KLF6: variants seen among roughly 807,000 people sequenced by gnomAD.
The protein encoded by KLF6 is Krueppel-like factor 6.
For missense variants in KLF6, 233 were observed against 359.8 expected (o/e 0.65, Z 2.85); for synonymous variants, 152 against 147.9 (o/e 1.03, Z -0.20).
At position 3,779,492 on chromosome 10, in the gene KLF6, C is replaced by T. The variant is rs76765158; in HGVS notation, c.*47G>A. 1 of 1,534,100 alleles carries T rather than the reference C, an allele frequency of 6.5e-7. No individual in the cohort carries two copies. Among genetic ancestry groups the T allele is most frequent in the Non-Finnish European group, 9.0e-7 (1 of 1,106,866 alleles). ...CGCATCCCTCCTTCCACGGCCGGCT[C>T]TCAGCCTGGAAGCCTTTTAGCCTAC... On this transcript the variant is annotated 3_prime_UTR_variant, in exon 4 of 4. Transcript: ENST00000497571.
In KLF6 at chr10:3,781,210, C is replaced by A; in HGVS notation, c.676+431G>T. ...CGGTCCCACTCGGGCCTCGGGCCGT[C>A]AGCATCAAACCCACACACTCCACGC... On this transcript the variant is annotated intron_variant, in intron 2 of 3. Coordinates refer to ENST00000497571, the MANE Select transcript of KLF6 (RefSeq NM_001300.6). This position sits in a 1 kb window ranked among gnomAD's most constrained non-coding sequence, Gnocchi z 5.8. 2.4e-6 allele frequency: 1 copy of A among 419,738 alleles called. No individual in the cohort carries two copies. The highest frequency in any genetic ancestry group is 4.2e-6 in the Non-Finnish European group (1 of 236,818). The allele number at this position is 419,738 out of a possible 1,614,324, so 26.0% of individuals were successfully genotyped here.
chr10:3,781,743 A>G lies in KLF6; in HGVS notation c.574T>C (p.Ser192Pro). The stretch of plus-strand genomic sequence containing the variant: ...TGCACCCTCCTCCTGCCGTCGGGGG[A>G]GGCATCGCCATTTCCCTTGTCACCT... ...KPGDKGNGDA[S>P]PDGRRRVHRC... The change falls in exon 2 of 4, where the codon TCC becomes CCC. Residue 192 changes from serine (S) to proline (P), a missense_variant. Coordinates refer to ENST00000497571, the MANE Select transcript of KLF6 (RefSeq NM_001300.6). This position sits in a 1 kb window ranked among gnomAD's most constrained non-coding sequence, Gnocchi z 5.8. 1 of 1,614,128 alleles carries G rather than the reference A, an allele frequency of 6.2e-7. No homozygotes were observed. The highest frequency in any genetic ancestry group is 1.1e-5 in the South Asian group (1 of 91,088).
Position 3,781,358 on chromosome 10 carries a change from G to A in KLF6, c.676+283C>T. ...GGCCTCGGATCCCCAGCACTACTAAGGGGTGGGGGGTGGAGGTTTGGGTGT... is the reference window on the plus strand; with the variant it reads ...GGCCTCGGATCCCCAGCACTACTAAAGGGTGGGGGGTGGAGGTTTGGGTGT... On this transcript the variant is annotated intron_variant, in intron 2 of 3. Coordinates refer to ENST00000497571, the MANE Select transcript of KLF6 (RefSeq NM_001300.6). The surrounding 1 kb of genome is among the most constrained non-coding windows in gnomAD (Gnocchi z 5.8). 1 of 1,400,152 alleles carries A rather than the reference G, an allele frequency of 7.1e-7. No homozygotes were observed. 86.7% of individuals were successfully genotyped at this position (1,400,152 alleles called of 1,614,324 possible). A position where few individuals can be genotyped will look rare whatever the true frequency, so the allele number is the denominator to read the frequency against.
In KLF6 at chr10:3,777,147, T is replaced by C. The variant is rs575996183; in HGVS notation, c.*2392A>G. On this transcript the variant is annotated 3_prime_UTR_variant, in exon 4 of 4. Coordinates refer to ENST00000497571, the MANE Select transcript of KLF6 (RefSeq NM_001300.6). ...GCCCAGATAAAAAAAAAACCAGTTA[T>C]GTGAGCGTTAGTCACTGCTCATTTC... is the stretch of plus-strand genomic sequence containing the variant. The C allele has an allele frequency of 1.4e-5, 7 of 511,388 alleles. No individual in the cohort carries two copies. Among genetic ancestry groups the C allele is most frequent in the East Asian group, 4.3e-5 (1 of 23,326 alleles). 31.7% of individuals were successfully genotyped at this position (511,388 alleles called of 1,614,324 possible). A position where few individuals can be genotyped will look rare whatever the true frequency, so the allele number is the denominator to read the frequency against.
At chr10:3,784,882 C>A in intron 1 of KLF6, 31 bp downstream of exon 1, 1 of 1,583,694 alleles carries the variant, frequency 6.3e-7, no homozygotes, top group Non-Finnish European at 8.6e-7. Context: ...CGCCCCGGCG[C>A]CCGCAGGGAA....
chr10:3,784,200 G>C (rs1832595996), intron 1 of KLF6, among the ~76,000 whole-genome samples: 1 of 152,140 alleles, frequency 6.6e-6, no homozygotes, highest in African/African-American at 2.4e-5. Flanking sequence ...ACGGGGACCT[G>C]GTAAGTTTCT....
rs959766792 is a variant in KLF6, at chr10:3,780,679, A to C, written c.677-450T>G. The C allele has an allele frequency of 4.5e-5, 12 of 266,038 alleles. No individual in the cohort carries two copies. In the South Asian group the frequency reaches 4.6e-4, roughly 10 times the overall value. 16.5% of individuals were successfully genotyped at this position (266,038 alleles called of 1,614,324 possible). ...CTCAGGGACGTTCTACCTTTCTACA[A>C]AGCTGAAGTTACGAGCTTCTGGAAA... On this transcript the variant is annotated intron_variant, in intron 2 of 3. Transcript: ENST00000497571. This position sits in a 1 kb window ranked among gnomAD's most constrained non-coding sequence, Gnocchi z 4.6.
At position 3,776,531 on chromosome 10, in the gene KLF6, A is replaced by G; in HGVS notation, c.*3008T>C. 1.9e-6 allele frequency: 1 copy of G among 528,514 alleles called. No homozygotes were observed. The highest frequency in any genetic ancestry group is 3.7e-6 in the Non-Finnish European group (1 of 272,744). 32.7% of individuals were successfully genotyped at this position (528,514 alleles called of 1,614,324 possible). ...CTGTTCCAACAACCCCCTTCCCCCA[A>G]AAAAAACAACCAGACTCAAGATGCT... On this transcript the variant is annotated 3_prime_UTR_variant, in exon 4 of 4. Coordinates refer to ENST00000497571, the MANE Select transcript of KLF6 (RefSeq NM_001300.6).
In KLF6 at chr10:3,776,197, T is replaced by G; in HGVS notation, c.*3342A>C. ...GGAGCAGGCTGTGGAGGCACAGAAG[T>G]GGCAGGGAAACACTCAAGTTTGTCG... On this transcript the variant is annotated 3_prime_UTR_variant, in exon 4 of 4. Transcript: ENST00000497571. 1 of 532,080 alleles carries G rather than the reference T, an allele frequency of 1.9e-6. No individual in the cohort carries two copies. The highest frequency in any genetic ancestry group is 1.5e-5 in the South Asian group (1 of 65,162). 33.0% of individuals were successfully genotyped at this position (532,080 alleles called of 1,614,324 possible). A position where few individuals can be genotyped will look rare whatever the true frequency, so the allele number is the denominator to read the frequency against.
chr10:3,776,145 G>A lies in KLF6; in HGVS notation c.*3394C>T. The stretch of plus-strand genomic sequence containing the variant: ...GTGTGTGGCAGGGCTGGCTGGGGAA[G>A]GTAGGCCCAGCTCTAGCTGCGGAAC... On this transcript the variant is annotated 3_prime_UTR_variant, in exon 4 of 4. Coordinates refer to ENST00000497571, the MANE Select transcript of KLF6 (RefSeq NM_001300.6). The A allele has an allele frequency of 1.9e-6, 1 of 530,304 alleles. No individual in the cohort carries two copies. Among genetic ancestry groups the A allele is most frequent in the South Asian group, 1.5e-5 (1 of 65,130 alleles). 32.8% of individuals were successfully genotyped at this position (530,304 alleles called of 1,614,324 possible).
At position 3,777,198 on chromosome 10, in the gene KLF6, C is replaced by T. The variant is rs1832406923; in HGVS notation, c.*2341G>A. On this transcript the variant is annotated 3_prime_UTR_variant, in exon 4 of 4. Coordinates refer to ENST00000497571, the MANE Select transcript of KLF6 (RefSeq NM_001300.6). Reference sequence around the variant, plus strand: ...CAGGAAGATCAAACAAAATACCAGCCCAGCCAGACTCACATGTGTGTATAT... The same window carrying T: ...CAGGAAGATCAAACAAAATACCAGCTCAGCCAGACTCACATGTGTGTATAT... 3.9e-6 allele frequency: 2 copies of T among 516,594 alleles called. No individual in the cohort carries two copies. The highest frequency in any genetic ancestry group is 3.8e-5 in the African/African-American group (2 of 52,760). 32.0% of individuals were successfully genotyped at this position (516,594 alleles called of 1,614,324 possible). A position where few individuals can be genotyped will look rare whatever the true frequency, so the allele number is the denominator to read the frequency against.
In KLF6 at chr10:3,776,737, A is replaced by T. The variant is rs1564292068; in HGVS notation, c.*2802T>A. The T allele has an allele frequency of 6.3e-6, 3 of 477,696 alleles. No individual in the cohort carries two copies. Among genetic ancestry groups the T allele is most frequent in the East Asian group, 8.9e-5 (2 of 22,440 alleles). 29.6% of individuals were successfully genotyped at this position (477,696 alleles called of 1,614,324 possible). ...AAAAAAAGAAATTTCACTAATAGAA[A>T]TTTTTTTTTAATTTCAAGCAAAAAG... On this transcript the variant is annotated 3_prime_UTR_variant, in exon 4 of 4. Coordinates refer to ENST00000497571, the MANE Select transcript of KLF6 (RefSeq NM_001300.6).
chr10:3,777,604 A>G lies in KLF6; in HGVS notation c.*1935T>C, dbSNP rs1832420371. 2.0e-6 allele frequency: 1 copy of G among 508,194 alleles called. No homozygotes were observed. Among genetic ancestry groups the G allele is most frequent in the South Asian group, 1.5e-5 (1 of 64,940 alleles). The allele number at this position is 508,194 out of a possible 1,614,324, so 31.5% of individuals were successfully genotyped here. On this transcript the variant is annotated 3_prime_UTR_variant, in exon 4 of 4. Coordinates refer to ENST00000497571, the MANE Select transcript of KLF6 (RefSeq NM_001300.6). ...AAGAAAGTCCTCCGCACATCGTTAA[A>G]TTAAAGATAAAGCCTCTATAAAAGT...
At chr10:3,784,790 TCCCCCGGTGA>T in intron 1 of KLF6, 113 bp downstream of exon 1, 2 of 883,688 alleles carry the variant, frequency 2.3e-6, no homozygotes, top group Non-Finnish European at 3.2e-6. Context: ...CTGCGCCCGC[TCCCCCGGTGA>T]CAGCGCGGGG....
rs1832505766 is a variant in KLF6, at chr10:3,781,026, C to G, written c.676+615G>C. 6.1e-6 allele frequency: 1 copy of G among 163,818 alleles called. No homozygotes were observed. Among genetic ancestry groups the G allele is most frequent in the Non-Finnish European group, 1.3e-5 (1 of 74,596 alleles). 10.1% of individuals were successfully genotyped at this position (163,818 alleles called of 1,614,324 possible). ...TGTTCTGTGATTCCTCACCAATTAT[C>G]CTAGAACATGTCAAGGTATTTTTAA... On this transcript the variant is annotated intron_variant, in intron 2 of 3. Coordinates refer to ENST00000497571, the MANE Select transcript of KLF6 (RefSeq NM_001300.6). The surrounding 1 kb of genome is among the most constrained non-coding windows in gnomAD (Gnocchi z 5.8).
In KLF6 at chr10:3,784,514, A is replaced by AT. The variant is rs770964568; in HGVS notation, c.102+398dup. Among the ~76,000 whole-genome samples the AT allele has an allele frequency of 1.3e-3, 195 of 152,204 alleles. 1 individual carries two copies. Among genetic ancestry groups the AT allele is most frequent in the Non-Finnish European group, 2.5e-3 (167 of 67,992 alleles). On this transcript the variant is annotated intron_variant, in intron 1 of 3. Coordinates refer to ENST00000497571, the MANE Select transcript of KLF6 (RefSeq NM_001300.6). ...GTCTACGTTCTGGGGGCAAAATGTG[A>AT]TTTTTTTAAAAAACTGTTAAGTACA...
In KLF6 at chr10:3,777,212, A is replaced by ATG. The variant is rs1564292616; in HGVS notation, c.*2325_*2326dup. The stretch of plus-strand genomic sequence containing the variant: ...AAAATACCAGCCCAGCCAGACTCAC[A>ATG]TGTGTGTATATATATATAAAGCAAA... On this transcript the variant is annotated 3_prime_UTR_variant, in exon 4 of 4. Coordinates refer to ENST00000497571, the MANE Select transcript of KLF6 (RefSeq NM_001300.6). The ATG allele has an allele frequency of 1.9e-5, 10 of 517,152 alleles. No individual in the cohort carries two copies. Among genetic ancestry groups the ATG allele is most frequent in the Middle Eastern group, 5.4e-4 (1 of 1,852 alleles). The allele number at this position is 517,152 out of a possible 1,614,324, so 32.0% of individuals were successfully genotyped here.
Position 3,777,201 on chromosome 10 carries a change from G to C in KLF6, c.*2338C>G, listed in dbSNP as rs1307380007. 9.7e-6 allele frequency: 5 copies of C among 516,328 alleles called. No individual in the cohort carries two copies. Among genetic ancestry groups the C allele is most frequent in the Non-Finnish European group, 1.9e-5 (5 of 265,156 alleles). The allele number at this position is 516,328 out of a possible 1,614,324, so 32.0% of individuals were successfully genotyped here. A position where few individuals can be genotyped will look rare whatever the true frequency, so the allele number is the denominator to read the frequency against. ...GAAGATCAAACAAAATACCAGCCCAGCCAGACTCACATGTGTGTATATATA... is the reference window on the plus strand; with the variant it reads ...GAAGATCAAACAAAATACCAGCCCACCCAGACTCACATGTGTGTATATATA... On this transcript the variant is annotated 3_prime_UTR_variant, in exon 4 of 4. Transcript: ENST00000497571.
In KLF6 at chr10:3,777,966, A is replaced by G. The variant is rs2088430382; in HGVS notation, c.*1573T>C. 2.0e-6 allele frequency: 1 copy of G among 500,520 alleles called. No homozygotes were observed. The highest frequency in any genetic ancestry group is 3.9e-6 in the Non-Finnish European group (1 of 254,962). 31.0% of individuals were successfully genotyped at this position (500,520 alleles called of 1,614,324 possible). On this transcript the variant is annotated 3_prime_UTR_variant, in exon 4 of 4. Transcript: ENST00000497571. ...TCTTTAATATGTGTGAAAATGTTAC[A>G]TATTAAATACAGCCGGTGTGTGATC...
Sources: gnomAD v4.1 joint callset for allele counts (sites outside exome capture counted in the v4.1 genomes callset) on GRCh38, gnomAD v4.1.1 for gene constraint, Gnocchi (gnomAD v3.1) non-coding constraint, MANE v1.5 for transcripts, NCBI Gene and HGNC (gene_info 2026-07-23, HGNC 2026-07-21) for gene names.